ELOVL6: variants seen among roughly 807,000 people sequenced by gnomAD.
ELOVL6 encodes ELOVL fatty acid elongase 6.
A neutral mutation model predicts 31.7 loss-of-function variants in ELOVL6; 8 were observed. That is an observed-to-expected ratio of 0.25 (90% CI 0.15 to 0.45). ELOVL6 has a LOEUF of 0.45. Among genes scored for constraint, ELOVL6 ranks in the 20% least tolerant of loss-of-function variants. The pLI, the probability that ELOVL6 is intolerant of heterozygous loss-of-function variation, is 1.00. For synonymous variants in ELOVL6, 101 were observed against 117.7 expected, an observed-to-expected ratio of 0.86 and a Z score of 0.92; for missense variants, 126 against 326.4, an observed-to-expected ratio of 0.39 and a Z score of 4.73.
In ELOVL6 at chr4:110,050,544, T is replaced by G. The variant is rs564534764; in HGVS notation, c.*794A>C. On this transcript the variant is annotated 3_prime_UTR_variant, in exon 4 of 4. Coordinates refer to ENST00000302274, the MANE Select transcript of ELOVL6 (RefSeq NM_024090.3). ...GAACAAAAGGATAATGCTTCATATC[T>G]CACTTAAGAGTAGAAATTACAGTTC... 6.6e-6 allele frequency: 1 copy of G among 152,382 alleles called. No homozygotes were observed. Among genetic ancestry groups the G allele is most frequent in the East Asian group, 1.9e-4 (1 of 5,184 alleles). The allele number at this position is 152,382 out of a possible 1,614,324, so 9.4% of individuals were successfully genotyped here. A position where few individuals can be genotyped will look rare whatever the true frequency, so the allele number is the denominator to read the frequency against.
At chr4:110,192,675 A>G (rs1157007625) in intron 1 of ELOVL6, among the ~76,000 whole-genome samples, 1 of 152,262 alleles carries the variant, frequency 6.6e-6, no homozygotes, top group African/African-American at 2.4e-5. Flanking sequence ...ATTTATTAAA[A>G]GATACATGAA....
intron 2 of ELOVL6, among the ~76,000 whole-genome samples, chr4:110,100,103 A>T (rs538056634): frequency 6.6e-6 from 1 of 152,200 alleles, no homozygotes; most frequent in Admixed American, 6.5e-5. Flanking sequence ...GTTAGGTGGG[A>T]TGTAGGTGGA....
At position 110,051,176 on chromosome 4, in the gene ELOVL6, TGG is replaced by T; in HGVS notation, c.*160_*161del. On this transcript the variant is annotated 3_prime_UTR_variant, in exon 4 of 4. Coordinates refer to ENST00000302274, the MANE Select transcript of ELOVL6 (RefSeq NM_024090.3). This position sits in a 1 kb window ranked among gnomAD's most constrained non-coding sequence, Gnocchi z 4.8. ...CACCCTAAAAGGATCATAAACTTAC[TGG>T]GTTAAATCAACCTAATTATCCCTAA... 1 of 700,814 alleles carries T rather than the reference TGG, an allele frequency of 1.4e-6. No individual in the cohort carries two copies. Among genetic ancestry groups the T allele is most frequent in the Non-Finnish European group, 2.4e-6 (1 of 425,398 alleles). 43.4% of individuals were successfully genotyped at this position (700,814 alleles called of 1,614,324 possible).
intron 3 of ELOVL6, among the ~76,000 whole-genome samples, chr4:110,059,161 C>T (rs1755073731): frequency 1.3e-5 from 2 of 152,096 alleles, no homozygotes; most frequent in South Asian, 2.1e-4. Context: ...TTAATGAGAA[C>T]AGGAGGGTCC....
intron 2 of ELOVL6, among the ~76,000 whole-genome samples, chr4:110,103,335 T>C: frequency 6.6e-6 from 1 of 151,994 alleles, no homozygotes; most frequent in Non-Finnish European, 1.5e-5. Context: ...TCAAAAGGAA[T>C]AGCAATGGAC....
intron 2 of ELOVL6, among the ~76,000 whole-genome samples, chr4:110,100,387 A>G (rs1756707779): frequency 6.6e-6 from 1 of 152,236 alleles, no homozygotes; most frequent in Non-Finnish European, 1.5e-5. Flanking sequence ...TGCTTCAGTC[A>G]GCCCCCAAAA....
At chr4:110,094,435 ATATATATAAT>A (rs1231132298) in intron 2 of ELOVL6, among the ~76,000 whole-genome samples, 640 of 58,388 alleles carry the variant, frequency 0.011, 32 homozygotes, top group South Asian at 0.099. Context: ...ATATATATAT[ATATATATAAT>A]ATATATAACA....
At chr4:110,187,799 T>C (rs1307255642) in intron 1 of ELOVL6, among the ~76,000 whole-genome samples, 1 of 151,940 alleles carries the variant, frequency 6.6e-6, no homozygotes, top group Non-Finnish European at 1.5e-5. Context: ...AGGTACTGAA[T>C]GGTCTAAGGC....
At chr4:110,174,108 T>A (rs984290763) in intron 1 of ELOVL6, among the ~76,000 whole-genome samples, 2 of 151,898 alleles carry the variant, frequency 1.3e-5, no homozygotes, top group African/African-American at 4.8e-5. Flanking sequence ...ATTTAAAAAC[T>A]TTTTTTAAAA....
At chr4:110,108,240 CT>C (rs1297102499) in intron 1 of ELOVL6, among the ~76,000 whole-genome samples, 2 of 152,118 alleles carry the variant, frequency 1.3e-5, no homozygotes, top group African/African-American at 4.8e-5. Flanking sequence ...CATTATTTAT[CT>C]TACCCATTCA....
At chr4:110,110,281 G>C (rs1018193016) in intron 1 of ELOVL6, among the ~76,000 whole-genome samples, 1 of 151,930 alleles carries the variant, frequency 6.6e-6, no homozygotes, top group African/African-American at 2.4e-5. Context: ...TTTCTTGAGA[G>C]GGATCCTGAG....
At chr4:110,118,290 G>A (rs996229688) in intron 1 of ELOVL6, among the ~76,000 whole-genome samples, 2 of 151,850 alleles carry the variant, frequency 1.3e-5, no homozygotes, top group African/African-American at 4.8e-5. Flanking sequence ...CAGACTTCAT[G>A]GTAACTGCCA....
rs955360262 is a variant in ELOVL6, at chr4:110,083,750, C to T, written c.221+21747G>A. ...AGGCACTTAAAAATATATTGTGTCC[C>T]GCATTTCCAAAGATGATGATGGTGG... On this transcript the variant is annotated intron_variant, in intron 2 of 3. Transcript: ENST00000302274. Among the ~76,000 whole-genome samples, 74 of 149,996 alleles carry T rather than the reference C, an allele frequency of 4.9e-4. 1 individual carries two copies. Among genetic ancestry groups the T allele is most frequent in the Admixed American group, 4.8e-3 (72 of 14,998 alleles).
intron 1 of ELOVL6, among the ~76,000 whole-genome samples, chr4:110,127,242 A>C (rs1757525241): frequency 1.3e-5 from 2 of 151,976 alleles, no homozygotes; most frequent in African/African-American, 4.8e-5. Context: ...CCCTGTCTCT[A>C]CTAAAAATAC....
intron 2 of ELOVL6, among the ~76,000 whole-genome samples, chr4:110,098,258 T>G (rs568930196): frequency 1.3e-5 from 2 of 151,770 alleles, no homozygotes; most frequent in African/African-American, 4.9e-5. Context: ...CATTATTGGG[T>G]GGGATAGGTA....
intron 1 of ELOVL6, among the ~76,000 whole-genome samples, chr4:110,183,844 T>G (rs1759367047): frequency 6.6e-6 from 1 of 152,032 alleles, no homozygotes; most frequent in Non-Finnish European, 1.5e-5. Context: ...TAGCCATGCG[T>G]GGTGGTGTAT....
chr4:110,140,575 G>T (rs896898101), intron 1 of ELOVL6, among the ~76,000 whole-genome samples: 1 of 151,806 alleles, frequency 6.6e-6, no homozygotes, highest in African/African-American at 2.4e-5. Context: ...TTTTTAAAAT[G>T]GTTTTCTGCC....
At position 110,084,260 on chromosome 4, in the gene ELOVL6, GCTTATATGTGATATATAACATATATAA is replaced by G. The variant is rs1249001447; in HGVS notation, c.221+21210_221+21236del. On this transcript the variant is annotated intron_variant, in intron 2 of 3. Coordinates refer to ENST00000302274, the MANE Select transcript of ELOVL6 (RefSeq NM_024090.3). The stretch of plus-strand genomic sequence containing the variant: ...ACATATATGATATATATAACATATA[GCTTATATGTGATATATAACATATATAA>G]CTTATATATGATATATAACATATAA... 1.9e-3 allele frequency among the ~76,000 whole-genome samples: 159 copies of G among 84,298 alleles called. 24 individuals are homozygous for G. Among genetic ancestry groups the G allele is most frequent in the Non-Finnish European group, 3.1e-3 (141 of 45,314 alleles). 55.3% of individuals were successfully genotyped at this position (84,298 alleles called of 152,430 possible). A position where few individuals can be genotyped will look rare whatever the true frequency, so the allele number is the denominator to read the frequency against.
intron 1 of ELOVL6, among the ~76,000 whole-genome samples, chr4:110,163,317 G>A (rs1043574218): frequency 6.6e-6 from 1 of 152,166 alleles, no homozygotes; most frequent in African/African-American, 2.4e-5. Context: ...AGCTAAAACA[G>A]CTCCCTCTGG....
Sources: allele counts gnomAD v4.1 joint callset (sites outside exome capture counted in the v4.1 genomes callset), GRCh38; gene constraint gnomAD v4.1.1; non-coding constraint Gnocchi (gnomAD v3.1); transcripts MANE v1.5; gene names NCBI Gene and HGNC (gene_info 2026-07-23, HGNC 2026-07-21).